SNAP91: variants seen among roughly 807,000 people sequenced by gnomAD.
SNAP91 encodes the protein synaptosome associated protein 91.
A neutral mutation model predicts 100.3 loss-of-function variants in SNAP91; 27 were observed. The ratio of observed to expected loss-of-function variants is 0.27; its 90% confidence interval spans 0.20 to 0.37. The LOEUF (loss-of-function observed/expected upper bound fraction) is 0.37, where lower values mean the gene tolerates loss of function less well. SNAP91 is among the 10% of genes least tolerant of loss of function. SNAP91 has a pLI of 1.00. For missense variants in SNAP91, 986 were observed against 1,123.7 expected (o/e 0.88, Z 1.75); for synonymous variants, 404 against 398.6 (o/e 1.01, Z -0.16).
intron 17 of SNAP91, among the ~76,000 whole-genome samples, chr6:83,594,134 AC>A (rs1484808024): frequency 2.0e-5 from 3 of 152,176 alleles, no homozygotes; most frequent in Non-Finnish European, 2.9e-5. Context: ...AGAAAAAAAA[AC>A]ATTAAGACAG....
rs1773581505 is a variant in SNAP91 at position 83,553,275 on chromosome 6, T to G, written c.*1021A>C. The G allele has an allele frequency of 6.6e-6, 1 of 152,550 alleles. No individual in the cohort carries two copies. The highest frequency in any genetic ancestry group is 2.1e-4 in the South Asian group (1 of 4,832). 9.4% of individuals were successfully genotyped at this position (152,550 alleles called of 1,614,324 possible). A position where few individuals can be genotyped will look rare whatever the true frequency, so the allele number is the denominator to read the frequency against. ...AAAGATACAATTCTCTGAATTAGTT[T>G]AAATCCTAATCACAATGTTACAACA... On this transcript the variant is annotated 3_prime_UTR_variant, in exon 30 of 30. Transcript: ENST00000369694.
At chr6:83,684,455 T>G (rs2099033720) in intron 2 of SNAP91, among the ~76,000 whole-genome samples, 1 of 152,176 alleles carries the variant, frequency 6.6e-6, no homozygotes, top group Non-Finnish European at 1.5e-5. Context: ...ATTTTCTTCT[T>G]CCACCTGTCC....
intron 7 of SNAP91, among the ~76,000 whole-genome samples, chr6:83,643,086 T>G (rs1230508245): frequency 6.6e-6 from 1 of 152,234 alleles, no homozygotes; most frequent in African/African-American, 2.4e-5. Context: ...ATTCTGGATA[T>G]TAGCCCTTTG....
At chr6:83,568,476 T>TATAATA (rs56267925) in intron 26 of SNAP91, among the ~76,000 whole-genome samples, 177 of 147,508 alleles carry the variant, frequency 1.2e-3, no homozygotes, top group African/African-American at 3.0e-3. Context: ...CACATTAAAG[T>TATAATA]ATAATAATAA....
chr6:83,680,728 T>TG (rs1417307349), intron 2 of SNAP91, among the ~76,000 whole-genome samples: 1 of 152,182 alleles, frequency 6.6e-6, no homozygotes. Flanking sequence ...GGGGATGTCT[T>TG]GTGTATTGAG....
intron 9 of SNAP91, among the ~76,000 whole-genome samples, chr6:83,619,931 A>C (rs2128386451): frequency 6.6e-6 from 1 of 152,344 alleles, no homozygotes; most frequent in African/African-American, 2.4e-5. Context: ...TCTTATCATT[A>C]GATCTAAGAA....
rs371831963 is a variant in SNAP91 at position 83,590,111 on chromosome 6, G to C, written c.2014+1100C>G. On this transcript the variant is annotated intron_variant, in intron 22 of 29. Coordinates refer to ENST00000369694, the MANE Select transcript of SNAP91 (RefSeq NM_001242792.2). ...TTAGGACCAAAATTCAACCCTTGTG[G>C]TGACTGTGGAGGGGCCTCAGAAGCT... 7.9e-5 allele frequency among the ~76,000 whole-genome samples: 12 copies of C among 152,218 alleles called. No homozygotes were observed. The South Asian group carries it at 1.7e-3, about 21-fold the overall frequency.
intron 26 of SNAP91, among the ~76,000 whole-genome samples, chr6:83,561,545 A>T (rs519458): frequency 0.77 from 117,621 of 152,194 alleles, 45,868 homozygotes; most frequent in East Asian, 0.88. Context: ...TGGCTTGCAG[A>T]TTGCTCATAA....
At chr6:83,666,727 A>T (rs1562578171) in intron 2 of SNAP91, among the ~76,000 whole-genome samples, 1 of 152,070 alleles carries the variant, frequency 6.6e-6, no homozygotes, top group Non-Finnish European at 1.5e-5. Context: ...TTATTTCTTA[A>T]TTTATACTGA....
At chr6:83,701,673 C>A (rs887970268) in intron 2 of SNAP91, among the ~76,000 whole-genome samples, 2 of 152,114 alleles carry the variant, frequency 1.3e-5, no homozygotes, top group African/African-American at 4.8e-5. Flanking sequence ...GTCTTGAACT[C>A]CTGACCTCAG....
At chr6:83,561,386 T>C (rs1012100186) in intron 26 of SNAP91, among the ~76,000 whole-genome samples, 1 of 152,210 alleles carries the variant, frequency 6.6e-6, no homozygotes, top group African/African-American at 2.4e-5. Flanking sequence ...TTAAAGTGAA[T>C]GCATGCCAAA....
At chr6:83,676,682 G>A (rs906148530) in intron 2 of SNAP91, among the ~76,000 whole-genome samples, 2 of 152,182 alleles carry the variant, frequency 1.3e-5, no homozygotes, top group African/African-American at 2.4e-5. Context: ...CATTCAAAAT[G>A]TAATGGGAAG....
intron 15 of SNAP91, 52 bp downstream of exon 15, chr6:83,601,533 T>C (rs2095224586): frequency 1.9e-6 from 3 of 1,611,986 alleles, no homozygotes; most frequent in African/African-American, 1.3e-5. Flanking sequence ...AGGACAGTTG[T>C]TACATACAGA....
At chr6:83,581,149 T>A (rs932949637) in intron 23 of SNAP91, among the ~76,000 whole-genome samples, 2 of 152,194 alleles carry the variant, frequency 1.3e-5, no homozygotes, top group Non-Finnish European at 2.9e-5. Flanking sequence ...ACCTTAAAAA[T>A]AATTCTTAAA....
chr6:83,582,105 C>G (rs111587138), intron 23 of SNAP91, 117 bp downstream of exon 23: 71 of 1,151,516 alleles, frequency 6.2e-5, no homozygotes, highest in Non-Finnish European at 7.2e-5. Context: ...TTTTATAAAC[C>G]AAATTATCAC....
chr6:83,685,493 G>T (rs1210971931), intron 2 of SNAP91, among the ~76,000 whole-genome samples: 1 of 152,194 alleles, frequency 6.6e-6, no homozygotes, highest in Non-Finnish European at 1.5e-5. Context: ...TCAGCAGGTT[G>T]TAAGACTATA....
intron 2 of SNAP91, among the ~76,000 whole-genome samples, chr6:83,696,422 C>T (rs2099212540): frequency 2.6e-5 from 4 of 152,154 alleles, no homozygotes; most frequent in African/African-American, 9.7e-5. Context: ...GGACTCAGCT[C>T]ACTCATCTAT....
intron 9 of SNAP91, among the ~76,000 whole-genome samples, chr6:83,618,777 G>T (rs1245165015): frequency 6.6e-6 from 1 of 151,640 alleles, no homozygotes; most frequent in African/African-American, 2.4e-5. Flanking sequence ...TGGGATCGCA[G>T]TAAGGAAAAA....
intron 2 of SNAP91, among the ~76,000 whole-genome samples, chr6:83,685,001 CTTGTTAAAATTCTCT>C (rs2099041828): frequency 6.6e-6 from 1 of 152,138 alleles, no homozygotes; most frequent in Admixed American, 6.6e-5. Context: ...AGGCACAGAC[CTTGTTAAAATTCTCT>C]TTAAAGAACA....
Sources: gnomAD v4.1 joint callset for allele counts (sites outside exome capture counted in the v4.1 genomes callset) on GRCh38, gnomAD v4.1.1 for gene constraint, MANE v1.5 for transcripts, NCBI Gene and HGNC (gene_info 2026-07-23, HGNC 2026-07-21) for gene names.